The following RGS7 variants were observed in gnomAD, a reference collection of about 807,000 sequenced individuals.
The protein encoded by RGS7 is regulator of G protein signaling 7.
A neutral mutation model predicts 81.1 loss-of-function variants in RGS7; 27 were observed. The ratio of observed to expected loss-of-function variants is 0.33; its 90% CI spans 0.25 to 0.46. The LOEUF (loss-of-function observed/expected upper bound fraction) is 0.46. Among genes scored for constraint, RGS7 ranks in the 20% least tolerant of loss-of-function variants. The pLI is 1.00. For synonymous variants in RGS7, 208 were observed against 207.7 expected (o/e 1.00, Z -0.01); for missense variants, 396 against 607.4 (o/e 0.65, Z 3.66).
chr1:241,009,365 T>C (rs973793388), intron 3 of RGS7, among the ~76,000 whole-genome samples: 50 of 152,220 alleles, frequency 3.3e-4, no homozygotes, highest in Admixed American at 2.7e-3. Flanking sequence ...CTTTGGAATC[T>C]GGGTTACTTA....
intron 2 of RGS7, among the ~76,000 whole-genome samples, chr1:241,115,321 GGTTTAAATTTTTAT>G (rs1558737561): frequency 1.3e-5 from 2 of 152,066 alleles, no homozygotes; most frequent in African/African-American, 4.8e-5. Context: ...TTAAGTTGTT[GGTTTAAATTTTTAT>G]GCAAGTTCTA....
At chr1:241,068,757 G>A (rs1333337107) in intron 3 of RGS7, among the ~76,000 whole-genome samples, 1 of 152,148 alleles carries the variant, frequency 6.6e-6, no homozygotes, top group Non-Finnish European at 1.5e-5. Context: ...CAGCTTAGAC[G>A]TTGATATAGT....
At chr1:241,254,209 A>G (rs1310079628) in intron 2 of RGS7, among the ~76,000 whole-genome samples, 2 of 151,944 alleles carry the variant, frequency 1.3e-5, no homozygotes, top group East Asian at 1.9e-4. Context: ...AAAAAAAAAA[A>G]AAAAAAAGAA....
chr1:241,118,146 A>G (rs2065999342), intron 2 of RGS7, among the ~76,000 whole-genome samples: 1 of 152,184 alleles, frequency 6.6e-6, no homozygotes, highest in Non-Finnish European at 1.5e-5. Context: ...ACCTTCTTAA[A>G]TGTTTTTACA....
intron 2 of RGS7, among the ~76,000 whole-genome samples, chr1:241,220,994 G>GAA (rs1558203253): frequency 1.1e-5 from 1 of 93,492 alleles, no homozygotes; most frequent in African/African-American, 3.5e-5. Context: ...AGGAAGGAAG[G>GAA]AAGAGAGAGA....
At position 241,215,835 on chromosome 1, in the gene RGS7, A is replaced by G. The variant is rs186597766; in HGVS notation, c.79-117073T>C. ...TTTTTCCCCAGAGTTTATAATTGCT[A>G]TCAGTAGAAGGCTTAATCTTATACA... On this transcript the variant is annotated intron_variant, in intron 2 of 18. Coordinates refer to ENST00000440928, the MANE Select transcript of RGS7 (RefSeq NM_001364886.1). 5.1e-4 allele frequency among the ~76,000 whole-genome samples: 77 copies of G among 152,334 alleles called. No homozygotes were observed. The East Asian group carries it at 7.3e-3, about 14-fold the overall frequency.
chr1:241,326,006 C>G (rs188353195), intron 2 of RGS7, among the ~76,000 whole-genome samples: 72 of 152,212 alleles, frequency 4.7e-4, no homozygotes, highest in East Asian at 9.7e-4. Flanking sequence ...ATCGGATCTA[C>G]TGATAAAACA....
chr1:240,928,857 C>T (rs1310792780), intron 6 of RGS7, among the ~76,000 whole-genome samples: 1 of 151,966 alleles, frequency 6.6e-6, no homozygotes, highest in East Asian at 1.9e-4. Context: ...GTGATCTGCC[C>T]GCCTCAGCCT....
In RGS7 at chr1:240,965,808, G is replaced by A. The variant is rs116742476; in HGVS notation, c.226+17271C>T. 4.3e-3 allele frequency among the ~76,000 whole-genome samples: 659 copies of A among 152,250 alleles called. 6 individuals are homozygous for A. Among genetic ancestry groups the A allele is most frequent in the African/African-American group, 0.015 (621 of 41,542 alleles). ...AAAATTCTTTTAATAATTTGTTTCC[G>A]TTTACAGTACCACGTCAGTGACCAC... On this transcript the variant is annotated intron_variant, in intron 4 of 18. Coordinates refer to ENST00000440928, the MANE Select transcript of RGS7 (RefSeq NM_001364886.1).
chr1:240,974,753 C>A (rs1683801095), intron 4 of RGS7, among the ~76,000 whole-genome samples: 1 of 152,120 alleles, frequency 6.6e-6, no homozygotes. Context: ...GTATGCATTT[C>A]TAAAAAATTC....
At chr1:240,894,965 T>A (rs1668807046) in intron 6 of RGS7, among the ~76,000 whole-genome samples, 1 of 152,184 alleles carries the variant, frequency 6.6e-6, no homozygotes, top group African/African-American at 2.4e-5. Context: ...TAATCCCCAA[T>A]GCCAGTGATG....
intron 3 of RGS7, among the ~76,000 whole-genome samples, chr1:241,063,057 T>C (rs1005111975): frequency 1.3e-5 from 2 of 152,220 alleles, no homozygotes; most frequent in Non-Finnish European, 2.9e-5. Flanking sequence ...ATTTCAACCC[T>C]GGATAGTAAT....
chr1:241,121,833 T>C (rs2066284010), intron 2 of RGS7, among the ~76,000 whole-genome samples: 1 of 144,738 alleles, frequency 6.9e-6, no homozygotes, highest in Admixed American at 7.2e-5. Flanking sequence ...TTCTCCTCCC[T>C]AGTAGCTGGG....
At chr1:241,133,088 T>C (rs2103048056) in intron 2 of RGS7, among the ~76,000 whole-genome samples, 1 of 152,268 alleles carries the variant, frequency 6.6e-6, no homozygotes, top group East Asian at 1.9e-4. Context: ...CTAGAATACA[T>C]TTTCTACAGA....
chr1:241,098,935 G>A (rs1406027561), intron 2 of RGS7, among the ~76,000 whole-genome samples, 173 bp from the exon 3 acceptor site: 1 of 152,102 alleles, frequency 6.6e-6, no homozygotes, highest in Non-Finnish European at 1.5e-5. Flanking sequence ...AAGAGATGGA[G>A]GAAACAGCAA....
At chr1:241,055,624 C>A (rs1351024413) in intron 3 of RGS7, among the ~76,000 whole-genome samples, 1 of 152,174 alleles carries the variant, frequency 6.6e-6, no homozygotes, top group Non-Finnish European at 1.5e-5. Flanking sequence ...GCTTCCGTGG[C>A]CTCCCCAAGC....
At chr1:241,170,573 G>A (rs964667932) in intron 2 of RGS7, among the ~76,000 whole-genome samples, 1 of 152,116 alleles carries the variant, frequency 6.6e-6, no homozygotes, top group African/African-American at 2.4e-5. Context: ...CTGAGGCACC[G>A]TGGTGGGGTG....
chr1:241,191,919 G>C (rs12749924), intron 2 of RGS7, among the ~76,000 whole-genome samples: 29,551 of 152,210 alleles, frequency 0.19, 3,512 homozygotes, highest in Admixed American at 0.27. Context: ...CCATCTAACA[G>C]AGATGTAAAT....
chr1:240,963,839 T>C (rs1184732923), intron 4 of RGS7, among the ~76,000 whole-genome samples: 1 of 152,040 alleles, frequency 6.6e-6, no homozygotes, highest in African/African-American at 2.4e-5. Flanking sequence ...CTGGTTAAGA[T>C]ATAAAAGTGA....
Sources: gnomAD v4.1 joint callset for allele counts (sites outside exome capture counted in the v4.1 genomes callset) on GRCh38, gnomAD v4.1.1 for gene constraint, MANE v1.5 for transcripts, NCBI Gene and HGNC (gene_info 2026-07-23, HGNC 2026-07-21) for gene names.